Variants in SP140L observed in about 807,000 individuals in gnomAD.
SP140L encodes nuclear body protein SP140-like protein.
In SP140L, 64 loss-of-function variants were observed where a neutral mutation model predicts 84.3. The ratio of observed to expected loss-of-function variants is 0.76; its 90% CI spans 0.62 to 0.94. SP140L has a LOEUF of 0.94. SP140L is among the 40% of genes least tolerant of loss of function. The pLI is 0.00. For missense variants in SP140L, 628 were observed against 692.5 expected, an observed-to-expected ratio of 0.91 and a Z score of 1.05; for synonymous variants, 242 against 236.9, an observed-to-expected ratio of 1.02 and a Z score of -0.20.
intron 14 of SP140L, among the ~76,000 whole-genome samples, chr2:230,397,950 G>A (rs1206079863): frequency 2.0e-5 from 3 of 152,088 alleles, no homozygotes; most frequent in South Asian, 2.1e-4. Flanking sequence ...TCCAGCAAAG[G>A]TATGGTCACC....
rs146534389 is a variant in SP140L, at chr2:230,385,930, T to C, written c.784+626T>C. 2.3e-3 allele frequency among the ~76,000 whole-genome samples: 343 copies of C among 151,462 alleles called. 2 individuals are homozygous for C. Among genetic ancestry groups the C allele is most frequent in the Non-Finnish European group, 3.6e-3 (246 of 67,822 alleles). On this transcript the variant is annotated intron_variant, in intron 9 of 18. Coordinates refer to ENST00000415673, the MANE Select transcript of SP140L (RefSeq NM_138402.6). ...TTGGTCCCATCCAGGATTGGGGAGG[T>C]GAGAGAAAGGGGTGAGATCAGAGTG... is the stretch of plus-strand genomic sequence containing the variant.
intron 14 of SP140L, among the ~76,000 whole-genome samples, chr2:230,398,966 G>C (rs529229257): frequency 6.6e-6 from 1 of 152,330 alleles, no homozygotes; most frequent in Non-Finnish European, 1.5e-5. Context: ...AGTGTTGGTA[G>C]GAAACCTTAT....
intron 2 of SP140L, among the ~76,000 whole-genome samples, chr2:230,337,063 C>T (rs950523115): frequency 2.6e-5 from 4 of 152,180 alleles, no homozygotes; most frequent in African/African-American, 4.8e-5. Flanking sequence ...CTTGAGGAAT[C>T]GCCACACTGA....
At chr2:230,340,099 T>A (rs1280629586) in intron 2 of SP140L, among the ~76,000 whole-genome samples, 15 of 149,590 alleles carry the variant, frequency 1.0e-4, no homozygotes, top group Admixed American at 1.0e-3. Context: ...GGTGTTAAAG[T>A]CTCCCATTAT....
chr2:230,367,295 C>CTTTTTTTTTTTTTTTTTT (rs200306286), intron 5 of SP140L, among the ~76,000 whole-genome samples: 31 of 118,038 alleles, frequency 2.6e-4, no homozygotes, highest in Non-Finnish European at 4.1e-4. Context: ...TCTTTTTTTT[C>CTTTTTTTTTTTTTTTTTT]TTTTTTTTTT....
At chr2:230,395,109 C>T (rs1299357270) in intron 13 of SP140L, among the ~76,000 whole-genome samples, 1 of 152,076 alleles carries the variant, frequency 6.6e-6, no homozygotes, top group Non-Finnish European at 1.5e-5. Context: ...GCTGGGATTA[C>T]AGGTGCCTGT....
intron 2 of SP140L, among the ~76,000 whole-genome samples, chr2:230,346,091 T>C (rs2060199704): frequency 6.6e-6 from 1 of 152,196 alleles, no homozygotes. Context: ...CCTTCAACTT[T>C]TGTTTTTTTG....
chr2:230,398,509 A>T (rs2062160156), intron 14 of SP140L, among the ~76,000 whole-genome samples: 1 of 152,262 alleles, frequency 6.6e-6, no homozygotes. Context: ...CCACAGGAAC[A>T]TTCCAGCAAA....
chr2:230,330,304 C>T (rs2059691905), intron 2 of SP140L, among the ~76,000 whole-genome samples: 1 of 152,152 alleles, frequency 6.6e-6, no homozygotes, highest in Admixed American at 6.5e-5. Flanking sequence ...TATTGTGAAC[C>T]AGGTGGCCAT....
intron 7 of SP140L, among the ~76,000 whole-genome samples, chr2:230,373,332 G>A (rs922570637): frequency 7.9e-5 from 12 of 152,176 alleles, no homozygotes; most frequent in African/African-American, 2.9e-4. Context: ...AGGTAGAGAG[G>A]AGAAGTCAAT....
At chr2:230,396,214 G>GA in intron 13 of SP140L, among the ~76,000 whole-genome samples, 1 of 152,070 alleles carries the variant, frequency 6.6e-6, no homozygotes, top group Non-Finnish European at 1.5e-5. Context: ...GCAGGGAATG[G>GA]GACTTGCATT....
chr2:230,389,818 A>G, intron 10 of SP140L, 101 bp from the exon 11 acceptor site: 1 of 1,146,376 alleles, frequency 8.7e-7, no homozygotes, highest in Non-Finnish European at 1.3e-6. Context: ...ATGGAATAGA[A>G]TTTCCTAAGT....
intron 2 of SP140L, among the ~76,000 whole-genome samples, chr2:230,329,774 ATTCCTTT>A (rs2059676929): frequency 6.6e-6 from 1 of 152,174 alleles, no homozygotes; most frequent in South Asian, 2.1e-4. Flanking sequence ...AGTCTGGGGT[ATTCCTTT>A]ATAGCAGTGT....
chr2:230,345,807 T>G (rs1307663544), intron 2 of SP140L, among the ~76,000 whole-genome samples: 1 of 152,174 alleles, frequency 6.6e-6, no homozygotes, highest in Non-Finnish European at 1.5e-5. Flanking sequence ...ATGTTACAAT[T>G]TACATATTTT....
intron 2 of SP140L, among the ~76,000 whole-genome samples, chr2:230,346,011 C>T (rs561085628): frequency 1.3e-5 from 2 of 152,168 alleles, no homozygotes; most frequent in African/African-American, 2.4e-5. Flanking sequence ...CTAATACCAT[C>T]TCATTGCAGC....
At chr2:230,365,506 A>T (rs1158297149) in intron 5 of SP140L, among the ~76,000 whole-genome samples, 1 of 151,560 alleles carries the variant, frequency 6.6e-6, no homozygotes, top group African/African-American at 2.4e-5. Flanking sequence ...TATTTCTGAT[A>T]TTATTCATTT....
chr2:230,383,486 A>C, intron 7 of SP140L, 24 bp from the exon 8 acceptor site: 1 of 1,578,658 alleles, frequency 6.3e-7, no homozygotes, highest in Non-Finnish European at 8.6e-7. Context: ...CTGTATAATT[A>C]ACTTTATTCT....
intron 13 of SP140L, among the ~76,000 whole-genome samples, chr2:230,396,419 A>G (rs1257496298): frequency 6.6e-6 from 1 of 152,288 alleles, no homozygotes; most frequent in Non-Finnish European, 1.5e-5. Context: ...TCAGAGAGCT[A>G]TGCTGTAGCA....
At chr2:230,395,421 A>T (rs1018968957) in intron 13 of SP140L, among the ~76,000 whole-genome samples, 3 of 152,196 alleles carry the variant, frequency 2.0e-5, no homozygotes, top group East Asian at 1.9e-4. Context: ...TACCAAAAAA[A>T]AATAGAAAAA....
Sources: gnomAD v4.1 joint callset for allele counts (sites outside exome capture counted in the v4.1 genomes callset) on GRCh38, gnomAD v4.1.1 for gene constraint, MANE v1.5 for transcripts, NCBI Gene and HGNC (gene_info 2026-07-23, HGNC 2026-07-21) for gene names.